The following RARB variants were observed in gnomAD, a reference collection of about 807,000 sequenced individuals.
RARB encodes the protein retinoic acid receptor beta.
RARB carries 17 observed loss-of-function variants against 51.9 expected under a neutral mutation model. That is an observed-to-expected ratio of 0.33 (90% CI 0.22 to 0.49). RARB has a LOEUF of 0.49. Among genes scored for constraint, RARB ranks in the 20% least tolerant of loss-of-function variants. The pLI is 0.99. For synonymous variants in RARB, 215 were observed against 195.4 expected (o/e 1.10, Z -0.84); for missense variants, 369 against 550.8 (o/e 0.67, Z 3.30).
chr3:24,913,677 C>T (rs1456409835), intron 2 of RARB, among the ~76,000 whole-genome samples: 1 of 152,126 alleles, frequency 6.6e-6, no homozygotes, highest in African/African-American at 2.4e-5. Flanking sequence ...GAAATGATAA[C>T]ACTCATCTGA....
chr3:25,030,757 C>T (rs1021045390), intron 2 of RARB, among the ~76,000 whole-genome samples: 2 of 152,148 alleles, frequency 1.3e-5, no homozygotes, highest in Non-Finnish European at 1.5e-5. Flanking sequence ...GTGTCATGTT[C>T]GGGTGCTCTC....
intron 5 of RARB, among the ~76,000 whole-genome samples, chr3:25,418,657 G>A (rs929558051): frequency 6.6e-6 from 1 of 152,078 alleles, no homozygotes; most frequent in Admixed American, 6.5e-5. Context: ...GGGGGACCAT[G>A]ACAACAGCTA....
chr3:25,356,588 A>G (rs931408510), intron 5 of RARB, among the ~76,000 whole-genome samples: 4 of 152,050 alleles, frequency 2.6e-5, no homozygotes, highest in South Asian at 2.1e-4. Flanking sequence ...ATAGGTATAC[A>G]TGTGCCATGG....
intron 2 of RARB, among the ~76,000 whole-genome samples, chr3:25,476,628 T>C (rs1447881202): frequency 6.6e-6 from 1 of 152,136 alleles, no homozygotes; most frequent in Non-Finnish European, 1.5e-5. Flanking sequence ...TTCTGGGACC[T>C]CCCCAAGCAG....
At chr3:25,190,338 A>C (rs1432186811) in intron 5 of RARB, among the ~76,000 whole-genome samples, 1 of 152,110 alleles carries the variant, frequency 6.6e-6, no homozygotes, top group Non-Finnish European at 1.5e-5. Context: ...AAGGGAGAGT[A>C]TGGTTCATGT....
intron 2 of RARB, among the ~76,000 whole-genome samples, chr3:24,861,560 TAA>T (rs932159084): frequency 7.5e-6 from 1 of 133,404 alleles, no homozygotes; most frequent in Non-Finnish European, 1.7e-5. Flanking sequence ...ATTAAAATAA[TAA>T]ACTTATCCTT....
chr3:24,870,634 C>A (rs1001427221), intron 2 of RARB, among the ~76,000 whole-genome samples: 11 of 152,162 alleles, frequency 7.2e-5, no homozygotes, highest in African/African-American at 2.6e-4. Context: ...TTTTGGGGAT[C>A]ATATTATCTG....
intron 5 of RARB, among the ~76,000 whole-genome samples, chr3:25,341,845 C>G (rs73156031): frequency 0.026 from 3,961 of 152,112 alleles, 146 homozygotes; most frequent in African/African-American, 0.09. Flanking sequence ...TTTCGTTGAG[C>G]CTTGGGAAAG....
chr3:24,865,449 T>G (rs2125345154), intron 2 of RARB, among the ~76,000 whole-genome samples: 1 of 152,232 alleles, frequency 6.6e-6, no homozygotes, highest in East Asian at 1.9e-4. Context: ...TAGTAGAAAC[T>G]TCTGTTATCC....
intron 2 of RARB, among the ~76,000 whole-genome samples, chr3:24,949,351 C>T (rs1025583097): frequency 6.6e-6 from 1 of 152,138 alleles, no homozygotes; most frequent in African/African-American, 2.4e-5. Context: ...ATATAATTAC[C>T]CTTCCCCCCT....
At chr3:25,488,561 G>T (rs1696578037) in intron 2 of RARB, among the ~76,000 whole-genome samples, 1 of 152,288 alleles carries the variant, frequency 6.6e-6, no homozygotes, top group Non-Finnish European at 1.5e-5. Flanking sequence ...CCTGGCCTGG[G>T]GGCAGGGTCT....
At chr3:24,996,361 A>G (rs183863439) in intron 2 of RARB, among the ~76,000 whole-genome samples, 1 of 151,812 alleles carries the variant, frequency 6.6e-6, no homozygotes, top group African/African-American at 2.4e-5. Context: ...TATTTTTCTC[A>G]TTAGTCTATC....
At chr3:25,480,584 A>G (rs777865181) in intron 2 of RARB, among the ~76,000 whole-genome samples, 1 of 152,216 alleles carries the variant, frequency 6.6e-6, no homozygotes, top group African/African-American at 2.4e-5. Flanking sequence ...GATGTTTCAT[A>G]TAATTCTAAA....
chr3:24,839,498 G>A (rs903405090), intron 1 of RARB, among the ~76,000 whole-genome samples: 5 of 150,276 alleles, frequency 3.3e-5, no homozygotes, highest in African/African-American at 9.8e-5. Context: ...CCAGGAGTTC[G>A]AGACCAGCCT....
At chr3:25,310,207 T>C (rs1056175564) in intron 5 of RARB, among the ~76,000 whole-genome samples, 1 of 152,214 alleles carries the variant, frequency 6.6e-6, no homozygotes, top group African/African-American at 2.4e-5. Context: ...TTTACTAGTC[T>C]GGGTCTCATA....
intron 2 of RARB, among the ~76,000 whole-genome samples, chr3:24,907,344 A>G (rs1694889049): frequency 6.6e-6 from 1 of 152,238 alleles, no homozygotes; most frequent in African/African-American, 2.4e-5. Context: ...TCCCTAAGTA[A>G]TGCTGATGCC....
chr3:25,580,434 T>A (rs1213587110), intron 4 of RARB, 112 bp from the exon 5 acceptor site: 15 of 1,047,990 alleles, frequency 1.4e-5, no homozygotes, highest in Non-Finnish European at 2.0e-5. Context: ...ACCAACAACC[T>A]GCCTGCTCAA....
intron 2 of RARB, among the ~76,000 whole-genome samples, chr3:24,946,846 C>G (rs1355663949): frequency 6.6e-6 from 1 of 152,110 alleles, no homozygotes; most frequent in African/African-American, 2.4e-5. Context: ...GCCTGGGTGA[C>G]AGGGTGAGAC....
At chr3:25,168,826 A>G (rs564942279) in intron 4 of RARB, among the ~76,000 whole-genome samples, 2 of 152,334 alleles carry the variant, frequency 1.3e-5, no homozygotes, top group African/African-American at 4.8e-5. Context: ...ATATTATCAA[A>G]GGAAGCATAA....
Sources: allele counts gnomAD v4.1 joint callset (sites outside exome capture counted in the v4.1 genomes callset), GRCh38; gene constraint gnomAD v4.1.1; transcripts MANE v1.5; gene names NCBI Gene and HGNC (gene_info 2026-07-23, HGNC 2026-07-21).